Variants in CACNA1C observed in about 807,000 individuals in gnomAD.
CACNA1C encodes the protein voltage-dependent L-type calcium channel subunit alpha-1C.
CACNA1C carries 30 observed loss-of-function variants against 229.0 expected under a neutral mutation model. The observed-to-expected ratio is 0.13, with a 90% CI of 0.10 to 0.18. CACNA1C has a LOEUF of 0.18. CACNA1C is among the 10% of genes least tolerant of loss of function. The pLI, the probability that CACNA1C is intolerant of heterozygous loss-of-function variation, is 1.00. For missense variants in CACNA1C, 1,658 were observed against 2,845.0 expected, an observed-to-expected ratio of 0.58 and a Z score of 9.49; for synonymous variants, 1,114 against 1,132.5, an observed-to-expected ratio of 0.98 and a Z score of 0.33.
intron 3 of CACNA1C, among the ~76,000 whole-genome samples, chr12:2,298,663 A>C (rs1427899597): frequency 6.6e-6 from 1 of 152,204 alleles, no homozygotes; most frequent in East Asian, 1.9e-4. Flanking sequence ...TGGCATTCAG[A>C]AGGTGACAAG....
intron 9 of CACNA1C, among the ~76,000 whole-genome samples, chr12:2,538,287 G>A (rs1306275884): frequency 6.6e-6 from 1 of 152,092 alleles, no homozygotes; most frequent in Non-Finnish European, 1.5e-5. Context: ...ACTTTCTGAT[G>A]GCTTAAAATC....
intron 29 of CACNA1C, among the ~76,000 whole-genome samples, chr12:2,627,189 A>G (rs895124427): frequency 1.3e-5 from 2 of 152,164 alleles, no homozygotes; most frequent in African/African-American, 4.8e-5. Flanking sequence ...AACACATCAC[A>G]GGATGGGAGC....
rs1222556897 is a variant in CACNA1C, at chr12:2,597,207, C to T, written c.2794-23C>T. On this transcript the variant is annotated intron_variant, in intron 20 of 46. Transcript: ENST00000399655. This position sits in a 1 kb window ranked among gnomAD's most constrained non-coding sequence, Gnocchi z 4.3. ...TTCTCCCTTCCCCATCCCATCCCCACCCTGTTCCTTTTTGTTTTGCAGATT... is the reference window on the plus strand; with the variant it reads ...TTCTCCCTTCCCCATCCCATCCCCATCCTGTTCCTTTTTGTTTTGCAGATT... 3 of 1,554,374 alleles carry T rather than the reference C, an allele frequency of 1.9e-6. No homozygotes were observed. The highest frequency in any genetic ancestry group is 2.7e-6 in the Non-Finnish European group (3 of 1,126,468).
At chr12:2,453,197 TGGGGGCC>T (rs1471654233) in intron 4 of CACNA1C, among the ~76,000 whole-genome samples, 19 of 152,150 alleles carry the variant, frequency 1.2e-4, no homozygotes, top group Non-Finnish European at 2.4e-4. Flanking sequence ...AGTCTGTGCC[TGGGGGCC>T]TCCATGGAGC....
At chr12:2,398,629 C>T (rs1177735088) in intron 3 of CACNA1C, among the ~76,000 whole-genome samples, 2 of 152,202 alleles carry the variant, frequency 1.3e-5, no homozygotes, top group Non-Finnish European at 2.9e-5. Context: ...TAGAGAAGCA[C>T]TTTGAAATGC....
intron 31 of CACNA1C, 86 bp downstream of exon 31, chr12:2,648,593 C>T (rs1797732864): frequency 1.7e-6 from 2 of 1,202,508 alleles, no homozygotes; most frequent in Non-Finnish European, 2.5e-6. Context: ...TCCAGAGTCC[C>T]TGGGAGCCCT....
In CACNA1C at chr12:2,527,196, A is replaced by G. The variant is rs2099819891; in HGVS notation, c.1390+14212A>G. On this transcript the variant is annotated intron_variant, in intron 9 of 46. Coordinates refer to ENST00000399655, the MANE Select transcript of CACNA1C (RefSeq NM_000719.7). ...GTCTGGTTTTGACTAACATGGCCCA[A>G]GTCTTACTCTAAGAACTTCAATAGT... Among the ~76,000 whole-genome samples the G allele has an allele frequency of 5.3e-5, 8 of 152,216 alleles. 1 individual carries two copies. The South Asian group carries it at 1.7e-3, about 31-fold the overall frequency.
Position 2,679,244 on chromosome 12 carries a change from C to T in CACNA1C, c.5092-200C>T, listed in dbSNP as rs140914216. ...AGGGGAGTCCAGAGCCTTGAGACTC[C>T]GGGTCCCTCCCTCTCTGGAGCAGCC... On this transcript the variant is annotated intron_variant, in intron 41 of 46. Transcript: ENST00000399655. This position sits in a 1 kb window ranked among gnomAD's most constrained non-coding sequence, Gnocchi z 5.5. 2.0e-4 allele frequency among the ~76,000 whole-genome samples: 30 copies of T among 152,314 alleles called. No homozygotes were observed. In the East Asian group the frequency reaches 3.9e-3, roughly 20 times the overall value.
chr12:2,662,534 C>A (rs2095818149), intron 34 of CACNA1C, among the ~76,000 whole-genome samples: 1 of 152,166 alleles, frequency 6.6e-6, no homozygotes, highest in Non-Finnish European at 1.5e-5. Context: ...GGCCAGGAGA[C>A]TTAATATCAT....
upstream of CACNA1C, among the ~76,000 whole-genome samples, chr12:2,049,901 G>A (rs979278284): frequency 6.6e-6 from 1 of 152,156 alleles, no homozygotes; most frequent in Non-Finnish European, 1.5e-5. Context: ...GGATATGGGC[G>A]TATACTGCAA....
intron 5 of CACNA1C, among the ~76,000 whole-genome samples, chr12:2,470,416 G>A (rs745805516): frequency 4.6e-5 from 7 of 152,228 alleles, no homozygotes; most frequent in Non-Finnish European, 7.3e-5. Context: ...AAAGAAAAAT[G>A]AGGGGGGAAT....
At chr12:2,195,918 C>G (rs184354666) in intron 3 of CACNA1C, among the ~76,000 whole-genome samples, 268 of 152,274 alleles carry the variant, frequency 1.8e-3, no homozygotes, top group African/African-American at 6.3e-3. Flanking sequence ...GAGAAAAAGA[C>G]TCCTGAGGCC....
chr12:2,545,909 C>T (rs1336697173), intron 9 of CACNA1C, among the ~76,000 whole-genome samples: 1 of 152,258 alleles, frequency 6.6e-6, no homozygotes, highest in Non-Finnish European at 1.5e-5. Flanking sequence ...ACTCCAAGTC[C>T]ATACATAACT....
At chr12:2,619,381 C>T (rs1157209113) in intron 29 of CACNA1C, among the ~76,000 whole-genome samples, 1 of 152,238 alleles carries the variant, frequency 6.6e-6, no homozygotes, top group Non-Finnish European at 1.5e-5. Context: ...ACCAAAGGAA[C>T]TTCACCTCCA....
intron 1 of CACNA1C, chr12:2,010,817 T>C (rs1416806824): frequency 6.6e-6 from 1 of 152,098 alleles, no homozygotes; most frequent in Non-Finnish European, 1.5e-5. Flanking sequence ...AAGTAATCAG[T>C]CATTTGATTA....
intron 18 of CACNA1C, among the ~76,000 whole-genome samples, chr12:2,590,224 G>C (rs1004096484): frequency 2.6e-5 from 4 of 152,160 alleles, no homozygotes; most frequent in African/African-American, 9.7e-5. Flanking sequence ...AGATGGAGGG[G>C]GGCAAGGGTT....
chr12:2,087,700 T>A (rs961291207), intron 1 of CACNA1C, among the ~76,000 whole-genome samples: 3 of 152,058 alleles, frequency 2.0e-5, no homozygotes, highest in Non-Finnish European at 2.9e-5. Context: ...TAGAAAAAAA[T>A]GGGAGTGGAA....
intron 3 of CACNA1C, among the ~76,000 whole-genome samples, chr12:2,173,507 T>C (rs1037404159): frequency 1.3e-5 from 2 of 152,158 alleles, no homozygotes; most frequent in Admixed American, 6.5e-5. Flanking sequence ...GGACATGTGG[T>C]CACCTTACTT....
intron 1 of CACNA1C, among the ~76,000 whole-genome samples, chr12:2,100,882 T>C (rs550750741): frequency 6.6e-6 from 1 of 150,596 alleles, no homozygotes; most frequent in East Asian, 2.0e-4. Context: ...GTGTCTCTAC[T>C]AAAAACAAAA....
Sources: gnomAD v4.1 joint callset for allele counts (sites outside exome capture counted in the v4.1 genomes callset) on GRCh38, gnomAD v4.1.1 for gene constraint, Gnocchi (gnomAD v3.1) non-coding constraint, MANE v1.5 for transcripts, NCBI Gene and HGNC (gene_info 2026-07-23, HGNC 2026-07-21) for gene names.